The following TSPAN18 variants were observed in gnomAD, a reference collection of about 807,000 sequenced individuals.
TSPAN18 encodes tetraspanin 18, also known as tetraspanin-18.
In TSPAN18, 14 loss-of-function variants were observed where a neutral mutation model predicts 27.3. The observed-to-expected ratio is 0.51, with a 90% CI of 0.34 to 0.80. TSPAN18 has a LOEUF of 0.80. TSPAN18 is among the 30% of genes least tolerant of loss of function. TSPAN18 has a pLI of 0.01. For missense variants in TSPAN18, 268 were observed against 323.9 expected, an observed-to-expected ratio of 0.83 and a Z score of 1.32; for synonymous variants, 143 against 136.5, an observed-to-expected ratio of 1.05 and a Z score of -0.33.
chr11:44,856,944 G>A (rs965041543), intron 2 of TSPAN18, among the ~76,000 whole-genome samples: 2 of 151,492 alleles, frequency 1.3e-5, no homozygotes, highest in African/African-American at 4.9e-5. Flanking sequence ...AAACTTACCT[G>A]TCCTGGGTGC....
chr11:44,897,730 A>C, intron 3 of TSPAN18: 20 of 1,278,408 alleles, frequency 1.6e-5, no homozygotes, highest in Non-Finnish European at 2.0e-5. Flanking sequence ...TAGTAATTGA[A>C]TATTTTCTCT....
At chr11:44,766,352 C>T (rs781160983) in intron 2 of TSPAN18, among the ~76,000 whole-genome samples, 2 of 152,178 alleles carry the variant, frequency 1.3e-5, no homozygotes, top group South Asian at 4.1e-4. Context: ...CACGGCTCAC[C>T]CTGCCAGCTG....
intron 3 of TSPAN18, among the ~76,000 whole-genome samples, chr11:44,904,276 G>A (rs761379807): frequency 6.6e-5 from 10 of 152,192 alleles, no homozygotes; most frequent in Non-Finnish European, 1.0e-4. Flanking sequence ...GAGTGGCCCC[G>A]CCTGTGCCTC....
intron 6 of TSPAN18, among the ~76,000 whole-genome samples, chr11:44,918,869 CTCTG>C (rs1860015268): frequency 6.6e-6 from 1 of 151,918 alleles, no homozygotes; most frequent in African/African-American, 2.4e-5. Flanking sequence ...ATCTGCTTGG[CTCTG>C]TCTGGGGAAC....
At chr11:44,799,517 A>G (rs966719802) in intron 2 of TSPAN18, among the ~76,000 whole-genome samples, 45 of 152,316 alleles carry the variant, frequency 3.0e-4, no homozygotes, top group Admixed American at 1.8e-3. Flanking sequence ...GAGAACGTCA[A>G]TGAGCGGGCA....
intron 5 of TSPAN18, among the ~76,000 whole-genome samples, chr11:44,912,102 G>A (rs956391226): frequency 2.6e-5 from 4 of 151,544 alleles, no homozygotes; most frequent in Admixed American, 2.6e-4. Flanking sequence ...GCTCACTGCA[G>A]CCTCAACCTC....
chr11:44,897,797 T>A (rs748750904), intron 3 of TSPAN18: 5 of 1,288,936 alleles, frequency 3.9e-6, no homozygotes, highest in South Asian at 3.7e-5. Context: ...GACGGGAGAG[T>A]CTGTCCTGCT....
At chr11:44,846,592 C>CTGTGTGAG (rs1554991160) in intron 2 of TSPAN18, among the ~76,000 whole-genome samples, 1 of 37,550 alleles carries the variant, frequency 2.7e-5, no homozygotes, top group African/African-American at 8.1e-5. Flanking sequence ...AAGAGGCTGT[C>CTGTGTGAG]TGTGTGTGTG....
chr11:44,897,732 AT>A, intron 3 of TSPAN18: 1 of 1,280,572 alleles, frequency 7.8e-7, no homozygotes, highest in Non-Finnish European at 1.0e-6. Context: ...GTAATTGAAT[AT>A]TTTCTCTTAT....
intron 2 of TSPAN18, among the ~76,000 whole-genome samples, chr11:44,782,134 A>G (rs1484180328): frequency 2.0e-5 from 3 of 152,232 alleles, no homozygotes; most frequent in African/African-American, 7.2e-5. Flanking sequence ...CTACTACATA[A>G]TCAAGCTGCT....
At chr11:44,780,721 C>T (rs1052209787) in intron 2 of TSPAN18, among the ~76,000 whole-genome samples, 2 of 152,176 alleles carry the variant, frequency 1.3e-5, no homozygotes, top group Admixed American at 1.3e-4. Context: ...GTCATGTCAC[C>T]CCCAAGCCTC....
chr11:44,918,241 C>G (rs1488120391), intron 6 of TSPAN18, among the ~76,000 whole-genome samples, 195 bp downstream of exon 6: 1 of 152,198 alleles, frequency 6.6e-6, no homozygotes, highest in Admixed American at 6.5e-5. Context: ...TAAGCCTGTT[C>G]CTGCAAGGGC....
At chr11:44,741,829 T>C (rs1401595863) in intron 1 of TSPAN18, among the ~76,000 whole-genome samples, 1 of 152,222 alleles carries the variant, frequency 6.6e-6, no homozygotes, top group Non-Finnish European at 1.5e-5. Context: ...ATCAAGTGCC[T>C]AGCCTGGTGC....
intron 2 of TSPAN18, among the ~76,000 whole-genome samples, chr11:44,820,790 A>G (rs1283572423): frequency 6.6e-6 from 1 of 151,774 alleles, no homozygotes; most frequent in Non-Finnish European, 1.5e-5. Context: ...TGCAATAATG[A>G]GTAAATTATT....
rs760456696 is a variant in TSPAN18, at chr11:44,909,896, A to G, written c.255A>G (p.Leu85=). The change falls in exon 5 of 10, where the codon CTA becomes CTG. Residue 85 remains leucine (L), a synonymous_variant. Coordinates refer to ENST00000520358, the MANE Select transcript of TSPAN18 (RefSeq NM_130783.5). ...GAVRENKCLL[L]FFFLFILIIF... Reference sequence around the variant, plus strand: ...TCCGTGAGAACAAGTGTCTGCTGCTATTTGTGAGTACCCCAGCCCCCACCC... The same window carrying G: ...TCCGTGAGAACAAGTGTCTGCTGCTGTTTGTGAGTACCCCAGCCCCCACCC... 1.9e-6 allele frequency: 3 copies of G among 1,610,292 alleles called. No homozygotes were observed. The highest frequency in any genetic ancestry group is 1.7e-5 in the Admixed American group (1 of 59,880).
At chr11:44,926,778 C>A (rs770149888) in intron 9 of TSPAN18, 21 bp downstream of exon 9, 4 of 1,612,004 alleles carry the variant, frequency 2.5e-6, no homozygotes, top group Non-Finnish European at 3.4e-6. Context: ...GCCCCCACTT[C>A]TGCCGCTCCC....
chr11:44,853,603 A>C (rs145020181), intron 2 of TSPAN18, among the ~76,000 whole-genome samples: 2 of 152,168 alleles, frequency 1.3e-5, no homozygotes, highest in Non-Finnish European at 2.9e-5. Context: ...AGTTACCTTG[A>C]CAGAGATTAC....
chr11:44,752,900 G>A lies in TSPAN18; in HGVS notation c.-239-11526G>A, dbSNP rs530391035. Among the ~76,000 whole-genome samples the A allele has an allele frequency of 8.5e-5, 13 of 152,308 alleles. No individual in the cohort carries two copies. In the East Asian group the frequency reaches 2.5e-3, roughly 29 times the overall value. On this transcript the variant is annotated intron_variant, in intron 1 of 9. Transcript: ENST00000520358. ...TAGCCAAAAAAATCTACAAGTTCAT[G>A]TGTAACTTTATACAAAGTTACATTC... is the stretch of plus-strand genomic sequence containing the variant.
intron 1 of TSPAN18, among the ~76,000 whole-genome samples, chr11:44,733,843 G>A (rs140585526): frequency 2.3e-4 from 35 of 152,286 alleles, no homozygotes; most frequent in African/African-American, 8.2e-4. Flanking sequence ...CCCCATGCTG[G>A]CCCATTGTGT....
Sources: gnomAD v4.1 joint callset for allele counts (sites outside exome capture counted in the v4.1 genomes callset) on GRCh38, gnomAD v4.1.1 for gene constraint, MANE v1.5 for transcripts, NCBI Gene and HGNC (gene_info 2026-07-23, HGNC 2026-07-21) for gene names.